FBXL6: variants seen among roughly 807,000 people sequenced by gnomAD.
FBXL6 encodes the protein F-box/LRR-repeat protein 6.
Under a neutral mutation model 53.3 loss-of-function variants are expected in FBXL6, and 50 were observed. The ratio of observed to expected loss-of-function variants is 0.94; its 90% CI spans 0.75 to 1.19. FBXL6 has a LOEUF of 1.19. Ranked by LOEUF, FBXL6 falls within the 50% of genes most tolerant of loss-of-function variation. The pLI is 0.00. For synonymous variants in FBXL6, 405 were observed against 322.9 expected (o/e 1.25, Z -2.73); for missense variants, 815 against 719.0 (o/e 1.13, Z -1.53).
chr8:144,357,793 G>T lies in FBXL6; in HGVS notation c.417-7C>A, dbSNP rs1554853266. ...GCGGCACACGCGCGCAGCCCTGGGA[G>T]GACAGCGTGCTGAGGGTGCCGGCCC... On this transcript the variant is annotated splice_polypyrimidine_tract_variant and splice_region_variant and intron_variant, in intron 1 of 8. Transcript: ENST00000331890. 6.5e-7 allele frequency: 1 copy of T among 1,544,858 alleles called. No individual in the cohort carries two copies. Among genetic ancestry groups the T allele is most frequent in the Admixed American group, 1.9e-5 (1 of 51,762 alleles).
chr8:144,355,477 G>T lies in FBXL6; in HGVS notation c.*54C>A. ...ACAAAATGCTCAAATATCTGAAATT[G>T]GGCAAAGGTGGAGGGTGGGCAAGCT... is the stretch of plus-strand genomic sequence containing the variant. On this transcript the variant is annotated 3_prime_UTR_variant, in exon 9 of 9. Transcript: ENST00000331890. 2.5e-6 allele frequency: 4 copies of T among 1,582,306 alleles called. No individual in the cohort carries two copies. The highest frequency in any genetic ancestry group is 3.4e-6 in the Non-Finnish European group (4 of 1,161,814).
Position 144,356,192 on chromosome 8 carries a change from G to A in FBXL6, c.1248C>T (p.Gly416=), listed in dbSNP as rs1187702286. 1.2e-5 allele frequency: 17 copies of A among 1,452,706 alleles called. No individual in the cohort carries two copies. Among genetic ancestry groups the A allele is most frequent in the South Asian group, 2.3e-5 (2 of 86,388 alleles). The allele number at this position is 1,452,706 out of a possible 1,614,324, so 90.0% of individuals were successfully genotyped here. A position where few individuals can be genotyped will look rare whatever the true frequency, so the allele number is the denominator to read the frequency against. The change falls in exon 8 of 9, where the codon GGC becomes GGT. Residue 416 remains glycine, a synonymous_variant. Coordinates refer to ENST00000331890, the MANE Select transcript of FBXL6 (RefSeq NM_012162.4). ...TCAGCCGGTCTGACGTGCCATACAGGCCCAGATGAAGCTGCTCCAGCTCTG... is the reference window on the plus strand; with the variant it reads ...TCAGCCGGTCTGACGTGCCATACAGACCCAGATGAAGCTGCTCCAGCTCTG... The part of the protein sequence containing the change: ...PCRELEQLHL[G]LYGTSDRLTL...
In FBXL6 at chr8:144,357,808, G is replaced by C. The variant is rs546530220; in HGVS notation, c.417-22C>G. ...AGCCCTGGGAGGACAGCGTGCTGAG[G>C]GTGCCGGCCCCTCCGTAGGCGATGC... On this transcript the variant is annotated intron_variant, in intron 1 of 8. Coordinates refer to ENST00000331890, the MANE Select transcript of FBXL6 (RefSeq NM_012162.4). The C allele has an allele frequency of 9.2e-5, 138 of 1,502,788 alleles. 1 individual carries two copies. In the African/African-American group the frequency reaches 1.8e-3, roughly 20 times the overall value. 93.1% of individuals were successfully genotyped at this position (1,502,788 alleles called of 1,614,324 possible). A position where few individuals can be genotyped will look rare whatever the true frequency, so the allele number is the denominator to read the frequency against.
At chr8:144,357,533 A>G (rs576723144) in intron 2 of FBXL6, 31 bp from the exon 3 acceptor site, 9 of 1,612,950 alleles carry the variant, frequency 5.6e-6, no homozygotes, top group Non-Finnish European at 7.6e-6. Flanking sequence ...GAGCTGCACT[A>G]ATGTTCCCAC....
In FBXL6 at chr8:144,356,494, G is replaced by A. The variant is rs782171169; in HGVS notation, c.1031C>T (p.Pro344Leu). 5 of 1,612,856 alleles carry A rather than the reference G, an allele frequency of 3.1e-6. No individual in the cohort carries two copies. The Admixed American group carries it at 5.0e-5, about 16-fold the overall frequency. ...TCCGGGAGCCACCCCTCGTCCCGGA[G>A]GCTTGGGCAGCCACATCAGGTTCAA... ...RLLNLMWLPK[P>L]PGRGVAPGPG... is the part of the protein sequence containing the mutation. The change falls in exon 7 of 9, where the codon CCT (proline) becomes CTT (leucine). Residue 344 changes from proline to leucine, a missense_variant. Coordinates refer to ENST00000331890, the MANE Select transcript of FBXL6 (RefSeq NM_012162.4).
Position 144,357,089 on chromosome 8 carries a change from G to T in FBXL6, c.672C>A (p.Phe224Leu), listed in dbSNP as rs782209909. 1.2e-6 allele frequency: 2 copies of T among 1,612,972 alleles called. No individual in the cohort carries two copies. Among genetic ancestry groups the T allele is most frequent in the Non-Finnish European group, 1.7e-6 (2 of 1,180,024 alleles). Residue 224 changes from phenylalanine (F) to leucine (L), a missense_variant, in exon 4 of 9, where the codon TTC (phenylalanine) becomes TTA (leucine). Transcript: ENST00000331890. The stretch of plus-strand genomic sequence containing the variant: ...CACCGTGGCAGCCGGAGAGCTTGAG[G>T]AAAGTGAGCCGAGGACAGCACTCAC... ...LVGECCPRLT[F>L]LKLSGCHGVT...
chr8:144,355,846 G>T (rs1252948966), intron 8 of FBXL6, 122 bp downstream of exon 8: 1 of 1,536,722 alleles, frequency 6.5e-7, no homozygotes, highest in South Asian at 1.2e-5. Context: ...CAGGGGCTTG[G>T]ACAGTATGCA....
intron 1 of FBXL6, 32 bp from the exon 2 acceptor site, chr8:144,357,818 C>G (rs781971929): frequency 4.1e-6 from 6 of 1,476,474 alleles, no homozygotes; most frequent in Non-Finnish European, 5.4e-6. Flanking sequence ...GGTGCCGGCC[C>G]CTCCGTAGGC....
chr8:144,357,558 C>T, intron 2 of FBXL6, 56 bp from the exon 3 acceptor site: 2 of 1,612,018 alleles, frequency 1.2e-6, no homozygotes, highest in South Asian at 2.2e-5. Flanking sequence ...GTCCTTCCCA[C>T]CCAACACCTT....
At position 144,358,106 on chromosome 8, in the gene FBXL6, G is replaced by C. The variant is rs1461932220; in HGVS notation, c.342C>G (p.Arg114=). 3 of 1,596,592 alleles carry C rather than the reference G, an allele frequency of 1.9e-6. No homozygotes were observed. The highest frequency in any genetic ancestry group is 2.6e-6 in the Non-Finnish European group (3 of 1,174,888). The stretch of plus-strand genomic sequence containing the variant: ...TCTGCACCAGGATTTCCAAGGGAAT[G>C]CGGTCTCCCCAGCCCGCGTCGGGCC... The part of the protein sequence containing the change: ...EEGPDAGWGD[R]IPLEILVQIF... The change falls in exon 1 of 9, where the codon CGC becomes CGG. Residue 114 remains arginine (R), a synonymous_variant. Transcript: ENST00000331890.
chr8:144,356,350 C>T lies in FBXL6; in HGVS notation c.1175G>A (p.Arg392His), dbSNP rs143786227. 25 of 1,212,208 alleles carry T rather than the reference C, an allele frequency of 2.1e-5. No individual in the cohort carries two copies. The African/African-American group carries it at 3.9e-4, about 19-fold the overall frequency. 75.1% of individuals were successfully genotyped at this position (1,212,208 alleles called of 1,614,324 possible). A position where few individuals can be genotyped will look rare whatever the true frequency, so the allele number is the denominator to read the frequency against. Reference protein sequence around the residue: ...GSPNLRLLDLRGCARITPAGL... With the variant: ...GSPNLRLLDLHGCARITPAGL... The stretch of plus-strand genomic sequence containing the variant: ...AGCCGGCGTGATGCGCGCACAGCCA[C>T]GAAGATCCAGTAAGCGCAGGTTGGG... Residue 392 changes from arginine to histidine, a missense_variant, in exon 7 of 9, where the codon CGT becomes CAT. Transcript: ENST00000331890.
intron 3 of FBXL6, 48 bp from the exon 4 acceptor site, chr8:144,357,169 G>A (rs782443480): frequency 6.2e-7 from 1 of 1,609,446 alleles, no homozygotes; most frequent in Non-Finnish European, 8.5e-7. Context: ...GACAGGCTAA[G>A]ATCCACAAGG....
In FBXL6 at chr8:144,356,511, C is replaced by G; in HGVS notation, c.1014G>C (p.Leu338=). The stretch of plus-strand genomic sequence containing the variant: ...GTCCCGGAGGCTTGGGCAGCCACAT[C>G]AGGTTCAACAGCCGCAGCACCTGGG... ...PQLQVLRLLN[L]MWLPKPPGRG... Residue 338 remains leucine, a synonymous_variant, in exon 7 of 9, where the codon CTG becomes CTC. Coordinates refer to ENST00000331890, the MANE Select transcript of FBXL6 (RefSeq NM_012162.4). 1 of 1,612,944 alleles carries G rather than the reference C, an allele frequency of 6.2e-7. No individual in the cohort carries two copies.
chr8:144,357,731 G>T lies in FBXL6; in HGVS notation c.472C>A (p.His158Asn). Residue 158 changes from histidine to asparagine, a missense_variant, in exon 2 of 9, where the codon CAC becomes AAC. Transcript: ENST00000331890. Reference protein sequence around the residue: ...QEAASQPALWHTVTLSSPLVG... With the variant: ...QEAASQPALWNTVTLSSPLVG... ...AGCGGGGACGACAGGGTCACGGTGT[G>T]CCAGAGCGCGGGTTGGGAAGCGGCC... 6.2e-7 allele frequency: 1 copy of T among 1,605,024 alleles called. No homozygotes were observed. The highest frequency in any genetic ancestry group is 8.5e-7 in the Non-Finnish European group (1 of 1,176,752).
intron 7 of FBXL6, 22 bp from the exon 8 acceptor site, chr8:144,356,236 T>A: frequency 8.9e-7 from 1 of 1,128,162 alleles, no homozygotes; most frequent in Non-Finnish European, 1.1e-6. Context: ...GGAGTGAGCA[T>A]AAGCTACAAG....
chr8:144,356,222 G>T lies in FBXL6; in HGVS notation c.1226-8C>A. ...GATGAAGCTGCTCCAGCTCTGCAGT[G>T]AAAGGAGTGAGCATAAGCTACAAGG... On this transcript the variant is annotated splice_region_variant and splice_polypyrimidine_tract_variant and intron_variant, in intron 7 of 8. Transcript: ENST00000331890. The T allele has an allele frequency of 7.9e-7, 1 of 1,262,066 alleles. No homozygotes were observed. The highest frequency in any genetic ancestry group is 1.0e-6 in the Non-Finnish European group (1 of 996,742). 78.2% of individuals were successfully genotyped at this position (1,262,066 alleles called of 1,614,324 possible). A position where few individuals can be genotyped will look rare whatever the true frequency, so the allele number is the denominator to read the frequency against.
Position 144,357,033 on chromosome 8 carries a change from T to A in FBXL6, c.728A>T (p.Lys243Ile). ...VTADALVMLA[K>I]ACCQLHSLDL... ...CAGGCTATGGAGCTGGCAGCAGGCT[T>A]TGGCTAGCATGACCAGAGCGTCAGC... Residue 243 changes from lysine (K) to isoleucine (I), a missense_variant, in exon 4 of 9, where the codon AAA becomes ATA. By Grantham distance (102) the Lys-to-Ile change is moderately radical. Coordinates refer to ENST00000331890, the MANE Select transcript of FBXL6 (RefSeq NM_012162.4). The A allele has an allele frequency of 6.2e-7, 1 of 1,612,980 alleles. No individual in the cohort carries two copies. The highest frequency in any genetic ancestry group is 8.5e-7 in the Non-Finnish European group (1 of 1,179,998).
chr8:144,356,983 G>A lies in FBXL6; in HGVS notation c.771+7C>T, dbSNP rs376025805. 4.6e-5 allele frequency: 75 copies of A among 1,613,022 alleles called. No homozygotes were observed. Among genetic ancestry groups the A allele is most frequent in the South Asian group, 2.1e-4 (19 of 91,084 alleles). ...TTTTTCAGGGCCCCTTGGGACACAG[G>A]GCTCACCATGGAGTGCTGTAGGTCC... On this transcript the variant is annotated splice_region_variant and intron_variant, in intron 4 of 8. Transcript: ENST00000331890.
rs560557911 is a variant in FBXL6, at chr8:144,355,859, C to A, written c.1472+109G>T. 253 of 1,552,358 alleles carry A rather than the reference C, an allele frequency of 1.6e-4. 2 individuals carry two copies. In the African/African-American group the frequency reaches 3.2e-3, roughly 19 times the overall value. ...CGCAGGGGCTTGGACAGTATGCATG[C>A]CCCTCTGACCCCTGGAGGTCTCAGG... On this transcript the variant is annotated intron_variant, in intron 8 of 8. Coordinates refer to ENST00000331890, the MANE Select transcript of FBXL6 (RefSeq NM_012162.4).
Sources: gnomAD v4.1 joint callset for allele counts on GRCh38, gnomAD v4.1.1 for gene constraint, MANE v1.5 for transcripts, NCBI Gene and HGNC (gene_info 2026-07-23, HGNC 2026-07-21) for gene names.